The following ABI3 variants were observed in gnomAD, a reference collection of about 807,000 sequenced individuals.
ABI3 encodes the protein ABI gene family member 3.
A neutral mutation model predicts 37.0 loss-of-function variants in ABI3; 24 were observed. The observed-to-expected ratio is 0.65, with a 90% CI of 0.47 to 0.91. ABI3 has a LOEUF of 0.91. Among genes scored for constraint, ABI3 ranks in the 40% least tolerant of loss-of-function variants. The pLI is 0.00. For missense variants in ABI3, 481 were observed against 485.1 expected, an observed-to-expected ratio of 0.99 and a Z score of 0.08; for synonymous variants, 220 against 211.8, an observed-to-expected ratio of 1.04 and a Z score of -0.34.
At chr17:49,218,200 G>A (rs1185185918) in intron 3 of ABI3, among the ~76,000 whole-genome samples, 2 of 152,232 alleles carry the variant, frequency 1.3e-5, no homozygotes, top group Non-Finnish European at 2.9e-5. Context: ...TGTGGGAAGG[G>A]GAAGAGGGGG....
intron 2 of ABI3, 38 bp from the exon 3 acceptor site, chr17:49,217,701 G>C (rs2043235278): frequency 6.3e-7 from 1 of 1,578,480 alleles, no homozygotes; most frequent in South Asian, 1.2e-5. Flanking sequence ...GCTGGACACA[G>C]ACCACCCCTC....
chr17:49,217,973 C>G, intron 3 of ABI3, 58 bp downstream of exon 3: 1 of 1,454,070 alleles, frequency 6.9e-7, no homozygotes, highest in South Asian at 1.5e-5. Flanking sequence ...CTTGTGGCCC[C>G]TTTCCCTCCA....
In ABI3 at chr17:49,222,634, C is replaced by T. The variant is rs1403287637; in HGVS notation, c.1020C>T (p.Arg340=). Residue 340 remains arginine, a synonymous_variant, in exon 8 of 8, where the codon CGC becomes CGT. Coordinates refer to ENST00000225941, the MANE Select transcript of ABI3 (RefSeq NM_016428.3). The part of the protein sequence containing the change: ...SEGTVICVTR[R]YSDGWCEGVS... Reference sequence around the variant, plus strand: ...GCACTGTCATCTGTGTCACTCGCCGCTACTCCGATGGCTGGTGCGAGGGCG... The same window carrying T: ...GCACTGTCATCTGTGTCACTCGCCGTTACTCCGATGGCTGGTGCGAGGGCG... 2.5e-6 allele frequency: 4 copies of T among 1,613,986 alleles called. No homozygotes were observed. Among genetic ancestry groups the T allele is most frequent in the East Asian group, 2.2e-5 (1 of 44,886 alleles).
rs1001094594 is a variant in ABI3 at position 49,219,815 on chromosome 17, C to G, written c.549-43C>G. 1.2e-5 allele frequency: 19 copies of G among 1,525,096 alleles called. No individual in the cohort carries two copies. Among genetic ancestry groups the G allele is most frequent in the Non-Finnish European group, 1.6e-5 (18 of 1,135,088 alleles). 94.5% of individuals were successfully genotyped at this position (1,525,096 alleles called of 1,614,324 possible). A position where few individuals can be genotyped will look rare whatever the true frequency, so the allele number is the denominator to read the frequency against. On this transcript the variant is annotated intron_variant, in intron 4 of 7. Transcript: ENST00000225941. The surrounding 1 kb of genome is among the most constrained non-coding windows in gnomAD (Gnocchi z 4.3). ...GCACCCGACCCCTGCTGGCCAGAAG[C>G]CTTCCTCCTTCCTCCTAATACCCAC...
intron 1 of ABI3, among the ~76,000 whole-genome samples, chr17:49,212,850 C>T (rs2043182762): frequency 6.6e-6 from 1 of 152,190 alleles, no homozygotes; most frequent in Non-Finnish European, 1.5e-5. Flanking sequence ...CAGAATGAGG[C>T]TTGCAAACCA....
At chr17:49,222,058 C>G (rs763380810) in intron 6 of ABI3, 33 bp from the exon 7 acceptor site, 1 of 1,548,654 alleles carries the variant, frequency 6.5e-7, no homozygotes, top group African/African-American at 1.4e-5. Context: ...GCTTCCTGTG[C>G]CACACTTACA....
Position 49,217,886 on chromosome 17 carries a change from T to C in ABI3, c.433T>C (p.Cys145Arg), listed in dbSNP as rs749944165. 5.1e-6 allele frequency: 8 copies of C among 1,575,830 alleles called. No individual in the cohort carries two copies. The South Asian group carries it at 8.2e-5, about 16-fold the overall frequency. Reference sequence around the variant, plus strand: ...CTGCAGGAGACCCCTCAACTTTGGCTGCCTGGACGACATTGGCCATGGGAT... The same window carrying C: ...CTGCAGGAGACCCCTCAACTTTGGCCGCCTGGACGACATTGGCCATGGGAT... Reference protein sequence around the residue: ...PYCRRPLNFGCLDDIGHGIKD... With the variant: ...PYCRRPLNFGRLDDIGHGIKD... The change falls in exon 3 of 8, where the codon TGC becomes CGC. Residue 145 changes from cysteine to arginine, a missense_variant. By Grantham distance (180) the Cys-to-Arg change is radical (BLOSUM62 -3). Coordinates refer to ENST00000225941, the MANE Select transcript of ABI3 (RefSeq NM_016428.3).
chr17:49,212,323 C>T (rs562500293), intron 1 of ABI3, among the ~76,000 whole-genome samples: 5 of 152,140 alleles, frequency 3.3e-5, no homozygotes, highest in African/African-American at 4.8e-5. Flanking sequence ...TGTGACTTTA[C>T]GACAGTTTAT....
intron 6 of ABI3, 115 bp from the exon 7 acceptor site, chr17:49,221,976 C>T: frequency 9.4e-6 from 13 of 1,386,948 alleles, no homozygotes; most frequent in Non-Finnish European, 1.2e-5. Flanking sequence ...GCCTTGGCCT[C>T]CCAACGTGCC....
At chr17:49,220,617 C>A (rs758679936) in intron 6 of ABI3, among the ~76,000 whole-genome samples, 24 of 151,808 alleles carry the variant, frequency 1.6e-4, no homozygotes, top group African/African-American at 5.6e-4. Flanking sequence ...GGCCGAGGCG[C>A]GCGGATCACC....
chr17:49,221,331 C>T (rs12952313), intron 6 of ABI3, among the ~76,000 whole-genome samples: 9,091 of 150,970 alleles, frequency 0.06, 509 homozygotes, highest in African/African-American at 0.15. Flanking sequence ...ATTAGCCGGG[C>T]GTGGTGGCGG....
intron 1 of ABI3, among the ~76,000 whole-genome samples, chr17:49,211,213 T>TG (rs758167456): frequency 1.1e-4 from 16 of 152,156 alleles, no homozygotes; most frequent in Admixed American, 3.3e-4. Context: ...AGGCCGGCTC[T>TG]GGGTGAGGCT....
Position 49,220,295 on chromosome 17 carries a change from C to T in ABI3, c.771C>T (p.Pro257=), listed in dbSNP as rs141746983. The T allele has an allele frequency of 3.8e-6, 6 of 1,598,828 alleles. No homozygotes were observed. In the East Asian group the frequency reaches 1.4e-4, roughly 36 times the overall value. Residue 257 remains proline (P), a synonymous_variant, in exon 6 of 8, where the codon CCC becomes CCT. Transcript: ENST00000225941. ...CCGTCGAGGTGTTCCAGCGGCCTCCCACGCTGGAGGAGTTGTCCCCACCCC... is the reference window on the plus strand; with the variant it reads ...CCGTCGAGGTGTTCCAGCGGCCTCCTACGCTGGAGGAGTTGTCCCCACCCC... ...PAAVEVFQRP[P]TLEELSPPPP... is the part of the protein sequence containing the mutation.
chr17:49,210,842 G>A lies in ABI3; in HGVS notation c.117+1G>A. The A allele has an allele frequency of 6.5e-7, 1 of 1,548,226 alleles. No individual in the cohort carries two copies. Among genetic ancestry groups the A allele is most frequent in the Non-Finnish European group, 8.8e-7 (1 of 1,142,802 alleles). On this transcript the variant is annotated splice_donor_variant, in intron 1 of 7. Transcript: ENST00000225941. LOFTEE classifies it high-confidence loss of function. This position sits in a 1 kb window ranked among gnomAD's most constrained non-coding sequence, Gnocchi z 4.2. ...CTACTGCGAGGACAACTATGTGCAG[G>A]TAGGTAGAGCGGGCGGAAGCCTGAC... is the stretch of plus-strand genomic sequence containing the variant.
chr17:49,220,068 G>A (rs1031196370), intron 5 of ABI3, 101 bp from the exon 6 acceptor site: 16 of 1,573,014 alleles, frequency 1.0e-5, no homozygotes, highest in African/African-American at 8.1e-5. Context: ...TTACTCCTGG[G>A]TCACACGTGC....
chr17:49,220,472 G>A, intron 6 of ABI3, 146 bp downstream of exon 6: 1 of 1,079,220 alleles, frequency 9.3e-7, no homozygotes, highest in Non-Finnish European at 1.3e-6. Context: ...AAAGGAGACA[G>A]AGGAAGTGAA....
At position 49,219,891 on chromosome 17, in the gene ABI3, G is replaced by T. The variant is rs1364200790; in HGVS notation, c.582G>T (p.Leu194=). ...CCCGGATTCCCGAGCCAGTGCACCT[G>T]CCGGTGGTGCCCGACGGCAGACTCT... is the stretch of plus-strand genomic sequence containing the variant. ...RPPRIPEPVH[L]PVVPDGRLSA... The change falls in exon 5 of 8, where the codon CTG becomes CTT. Residue 194 remains leucine, a synonymous_variant. Coordinates refer to ENST00000225941, the MANE Select transcript of ABI3 (RefSeq NM_016428.3). The surrounding 1 kb of genome is among the most constrained non-coding windows in gnomAD (Gnocchi z 4.3). 6.4e-7 allele frequency: 1 copy of T among 1,552,880 alleles called. No homozygotes were observed. The highest frequency in any genetic ancestry group is 1.2e-5 in the South Asian group (1 of 85,292).
rs1298175859 is a variant in ABI3, at chr17:49,222,552, T to A, written c.938T>A (p.Val313Glu). The change falls in exon 8 of 8, where the codon GTG (valine) becomes GAG (glutamate). Residue 313 changes from valine (V) to glutamate (E), a missense_variant and splice_region_variant. Transcript: ENST00000225941. Reference sequence around the variant, plus strand: ...GGCACCCTCTTCTCTTGCCCTGCAGTGGTGACACTGTACCCATACACCAGC... The same window carrying A: ...GGCACCCTCTTCTCTTGCCCTGCAGAGGTGACACTGTACCCATACACCAGC... ...SWVPASYLEK[V>E]VTLYPYTSQK... 6.2e-7 allele frequency: 1 copy of A among 1,613,654 alleles called. No homozygotes were observed. The highest frequency in any genetic ancestry group is 1.1e-5 in the South Asian group (1 of 91,046).
Position 49,222,854 on chromosome 17 carries a change from C to CAGAGGAA in ABI3, c.*139_*140insAGAGGAA. The CAGAGGAA allele has an allele frequency of 1.0e-6, 1 of 991,884 alleles. No individual in the cohort carries two copies. The highest frequency in any genetic ancestry group is 1.4e-6 in the Non-Finnish European group (1 of 694,532). 61.4% of individuals were successfully genotyped at this position (991,884 alleles called of 1,614,324 possible). A position where few individuals can be genotyped will look rare whatever the true frequency, so the allele number is the denominator to read the frequency against. On this transcript the variant is annotated 3_prime_UTR_variant, in exon 8 of 8. Transcript: ENST00000225941. ...AGCTGTGTTCTGTCCTTCCTCCCAT[C>CAGAGGAA]GGAGGGAGAAGGGGTCCTGGGGAGA... is the stretch of plus-strand genomic sequence containing the variant.
Sources: allele counts gnomAD v4.1 joint callset (sites outside exome capture counted in the v4.1 genomes callset), GRCh38; gene constraint gnomAD v4.1.1; non-coding constraint Gnocchi (gnomAD v3.1); transcripts MANE v1.5; gene names NCBI Gene and HGNC (gene_info 2026-07-23, HGNC 2026-07-21).